CPNE4: variants seen among roughly 807,000 people sequenced by gnomAD.
CPNE4 encodes the protein copine-4.
CPNE4 carries 25 observed loss-of-function variants against 67.9 expected under a neutral mutation model. The ratio of observed to expected loss-of-function variants is 0.37; its 90% CI spans 0.27 to 0.51. The LOEUF (loss-of-function observed/expected upper bound fraction) is 0.51, where lower values mean the gene tolerates loss of function less well. CPNE4 is among the 20% of genes least tolerant of loss of function. The pLI, the probability that CPNE4 is intolerant of heterozygous loss-of-function variation, is 0.93. For synonymous variants in CPNE4, 242 were observed against 244.9 expected (o/e 0.99, Z 0.11); for missense variants, 464 against 690.8 (o/e 0.67, Z 3.68).
At chr3:131,717,853 G>GCTCCCTTCCTTTCCTCC (rs144753413) in intron 3 of CPNE4, among the ~76,000 whole-genome samples, 2 of 81,160 alleles carry the variant, frequency 2.5e-5, no homozygotes, top group Non-Finnish European at 6.3e-5. Context: ...TTCCTTCCTC[G>GCTCCCTTCCTTTCCTCC]CTCCCTCCTT....
At chr3:131,607,625 A>T (rs1401406719) in intron 7 of CPNE4, among the ~76,000 whole-genome samples, 1 of 152,166 alleles carries the variant, frequency 6.6e-6, no homozygotes, top group Non-Finnish European at 1.5e-5. Flanking sequence ...ATCATTTTTG[A>T]AAAAGCACAC....
chr3:132,026,859 T>C (rs953332862), intron 1 of CPNE4, among the ~76,000 whole-genome samples: 1 of 116,548 alleles, frequency 8.6e-6, no homozygotes, highest in Non-Finnish European at 1.9e-5. Flanking sequence ...TTAATCTCCA[T>C]TTTTACAAAT....
At chr3:131,883,086 G>A (rs767006962) in intron 2 of CPNE4, among the ~76,000 whole-genome samples, 3 of 152,086 alleles carry the variant, frequency 2.0e-5, no homozygotes, top group Non-Finnish European at 4.4e-5. Flanking sequence ...TGAGAAAATG[G>A]AGGTAATTTA....
chr3:131,739,524 A>G (rs2082312225), intron 2 of CPNE4, among the ~76,000 whole-genome samples: 1 of 152,224 alleles, frequency 6.6e-6, no homozygotes, highest in Non-Finnish European at 1.5e-5. Flanking sequence ...ATGTCTTACC[A>G]TACCTGATTA....
intron 2 of CPNE4, among the ~76,000 whole-genome samples, chr3:131,728,347 A>G (rs2082046149): frequency 6.6e-6 from 1 of 152,198 alleles, no homozygotes. Flanking sequence ...ATTTTACACA[A>G]CTTGTAGGTA....
intron 1 of CPNE4, among the ~76,000 whole-genome samples, chr3:131,985,040 T>G (rs1239186260): frequency 6.6e-6 from 1 of 152,202 alleles, no homozygotes; most frequent in African/African-American, 2.4e-5. Flanking sequence ...AATTTACTTC[T>G]CAAAGTTCTG....
chr3:131,847,924 G>A (rs9814034), intron 2 of CPNE4, among the ~76,000 whole-genome samples: 30,858 of 152,038 alleles, frequency 0.2, 3,865 homozygotes, highest in Non-Finnish European at 0.27. Context: ...TGACCTCAGT[G>A]CAACTGTGGC....
intron 1 of CPNE4, among the ~76,000 whole-genome samples, chr3:132,005,360 CACACACACACACAT>C (rs1271287271): frequency 2.3e-4 from 20 of 88,728 alleles, no homozygotes; most frequent in Non-Finnish European, 4.4e-4. Flanking sequence ...CACACACACA[CACACACACACACAT>C]ATATGTTTAT....
intron 1 of CPNE4, among the ~76,000 whole-genome samples, chr3:131,978,182 TATAA>T (rs2072743373): frequency 1.6e-5 from 1 of 62,870 alleles, no homozygotes; most frequent in Non-Finnish European, 2.5e-5. Flanking sequence ...TGTAAATATA[TATAA>T]TATATTTATA....
intron 7 of CPNE4, among the ~76,000 whole-genome samples, chr3:131,607,519 T>G (rs747336909): frequency 1.2e-4 from 19 of 152,182 alleles, no homozygotes; most frequent in Admixed American, 4.6e-4. Context: ...AATTAGAAAT[T>G]TCTTCTGGCT....
chr3:131,816,861 A>T (rs562196725), intron 2 of CPNE4, among the ~76,000 whole-genome samples: 1 of 152,300 alleles, frequency 6.6e-6, no homozygotes, highest in African/African-American at 2.4e-5. Flanking sequence ...AAGGTCTATG[A>T]TTATACCGTC....
chr3:131,822,903 T>G (rs2107973438), intron 2 of CPNE4, among the ~76,000 whole-genome samples: 1 of 152,316 alleles, frequency 6.6e-6, no homozygotes, highest in African/African-American at 2.4e-5. Context: ...AGTGGTGCGA[T>G]CTCGGCTCAC....
chr3:131,811,686 A>G lies in CPNE4; in HGVS notation c.181-88061T>C, dbSNP rs187642031. Reference sequence around the variant, plus strand: ...CCTCTGAGTGTCCCAGCGGGAGGGCATTATGTAGATTTTCTCAAGTTAACA... The same window carrying G: ...CCTCTGAGTGTCCCAGCGGGAGGGCGTTATGTAGATTTTCTCAAGTTAACA... On this transcript the variant is annotated intron_variant, in intron 2 of 15. Coordinates refer to ENST00000429747, the MANE Select transcript of CPNE4 (RefSeq NM_130808.3). Among the ~76,000 whole-genome samples the G allele has an allele frequency of 3.3e-5, 5 of 152,306 alleles. No individual in the cohort carries two copies. The East Asian group carries it at 9.6e-4, about 29-fold the overall frequency.
chr3:131,839,303 T>C (rs2085681987), intron 2 of CPNE4, among the ~76,000 whole-genome samples: 1 of 151,892 alleles, frequency 6.6e-6, no homozygotes, highest in Admixed American at 6.6e-5. Flanking sequence ...GTCCACACAA[T>C]GGACTTTTCA....
At chr3:131,688,658 G>A (rs900785803) in intron 5 of CPNE4, among the ~76,000 whole-genome samples, 1 of 152,092 alleles carries the variant, frequency 6.6e-6, no homozygotes, top group African/African-American at 2.4e-5. Context: ...TAACCACAAT[G>A]TAAGAACTTT....
chr3:131,952,091 C>T (rs1045025723), intron 1 of CPNE4, among the ~76,000 whole-genome samples: 1 of 148,860 alleles, frequency 6.7e-6, no homozygotes, highest in East Asian at 2.0e-4. Flanking sequence ...CGTCTCTGCC[C>T]GGCCGCCATC....
chr3:131,551,767 A>C (rs1212137573), intron 13 of CPNE4, among the ~76,000 whole-genome samples: 1 of 152,146 alleles, frequency 6.6e-6, no homozygotes, highest in African/African-American at 2.4e-5. Context: ...TATGATCTTC[A>C]TAGCAACATA....
At chr3:131,960,241 G>C (rs2072127482) in intron 1 of CPNE4, among the ~76,000 whole-genome samples, 1 of 152,026 alleles carries the variant, frequency 6.6e-6, no homozygotes, top group South Asian at 2.1e-4. Flanking sequence ...TTCTGACAAT[G>C]TTTATTTTTA....
At chr3:132,029,923 T>C (rs1428067968) in intron 1 of CPNE4, among the ~76,000 whole-genome samples, 1 of 152,218 alleles carries the variant, frequency 6.6e-6, no homozygotes, top group African/African-American at 2.4e-5. Context: ...AATTGTGACA[T>C]TTAAAATAGA....
Sources: gnomAD v4.1 joint callset for allele counts (sites outside exome capture counted in the v4.1 genomes callset) on GRCh38, gnomAD v4.1.1 for gene constraint, MANE v1.5 for transcripts, NCBI Gene and HGNC (gene_info 2026-07-23, HGNC 2026-07-21) for gene names.